The following STPG2 variants were observed in gnomAD, a reference collection of about 807,000 sequenced individuals.
STPG2 encodes the protein sperm-tail PG-rich repeat-containing protein 2.
Under a neutral mutation model 54.2 loss-of-function variants are expected in STPG2, and 56 were observed. The ratio of observed to expected loss-of-function variants is 1.03; its 90% CI spans 0.83 to 1.29. The LOEUF is 1.29. Ranked by LOEUF, STPG2 falls within the 50% of genes most tolerant of loss-of-function variation. The pLI is 0.00. For synonymous variants in STPG2, 200 were observed against 181.8 expected (o/e 1.10, Z -0.81); for missense variants, 596 against 544.9 (o/e 1.09, Z -0.93).
chr4:97,677,883 C>A (rs1390657013), intron 10 of STPG2, among the ~76,000 whole-genome samples: 1 of 152,120 alleles, frequency 6.6e-6, no homozygotes, highest in Non-Finnish European at 1.5e-5. Context: ...TTATATGCAA[C>A]TGAGCCTACT....
chr4:98,018,588 A>G (rs900997995), intron 5 of STPG2, among the ~76,000 whole-genome samples: 17 of 152,142 alleles, frequency 1.1e-4, no homozygotes, highest in Admixed American at 2.6e-4. Flanking sequence ...CTGAGGAATC[A>G]CCACACTGAC....
At chr4:97,977,132 A>G (rs536462813) in intron 6 of STPG2, among the ~76,000 whole-genome samples, 1 of 152,196 alleles carries the variant, frequency 6.6e-6, no homozygotes, top group African/African-American at 2.4e-5. Flanking sequence ...GTGCCAGAGA[A>G]GACCCCTTGC....
chr4:97,619,826 T>G (rs1311713768), intron 10 of STPG2, among the ~76,000 whole-genome samples: 1 of 108,378 alleles, frequency 9.2e-6, no homozygotes, highest in East Asian at 2.1e-4. Flanking sequence ...CTTTTTCTAT[T>G]TTTTTTTTTT....
intron 4 of STPG2, among the ~76,000 whole-genome samples, chr4:97,487,462 TTGA>T (rs1730397186): frequency 6.6e-6 from 1 of 151,606 alleles, no homozygotes; most frequent in Non-Finnish European, 1.5e-5. Flanking sequence ...ACAAAATTCT[TTGA>T]TGATATTTAT....
chr4:97,646,811 C>T (rs59606962), intron 10 of STPG2, among the ~76,000 whole-genome samples: 20,728 of 151,960 alleles, frequency 0.14, 4,106 homozygotes, highest in African/African-American at 0.44. Flanking sequence ...TTTTGTTTGA[C>T]GTGGCCATCA....
intron 9 of STPG2, among the ~76,000 whole-genome samples, chr4:97,725,094 AC>A (rs1724577075): frequency 6.6e-6 from 1 of 152,158 alleles, no homozygotes; most frequent in Non-Finnish European, 1.5e-5. Context: ...ACTTGCTATT[AC>A]GAGAAAAGAG....
chr4:97,757,412 C>T (rs1456208), intron 9 of STPG2, among the ~76,000 whole-genome samples: 59,468 of 151,956 alleles, frequency 0.39, 11,792 homozygotes, highest in Middle Eastern at 0.46. Flanking sequence ...ATTAGGTGAA[C>T]GCTCTGTTCC....
chr4:97,947,163 T>A (rs1416699422), intron 7 of STPG2, among the ~76,000 whole-genome samples: 1 of 152,032 alleles, frequency 6.6e-6, no homozygotes, highest in Non-Finnish European at 1.5e-5. Flanking sequence ...GGAGATTGAG[T>A]TTATTTCATT....
chr4:97,561,984 A>C (rs1335506702), intron 10 of STPG2, among the ~76,000 whole-genome samples: 1 of 152,140 alleles, frequency 6.6e-6, no homozygotes, highest in Admixed American at 6.5e-5. Context: ...GAAGAAAGTC[A>C]TTGGTAGCTT....
At chr4:97,906,114 G>A (rs955937194) in intron 8 of STPG2, among the ~76,000 whole-genome samples, 31 of 151,882 alleles carry the variant, frequency 2.0e-4, no homozygotes, top group South Asian at 1.7e-3. Flanking sequence ...CTGATAGACC[G>A]CTAGCAAGAC....
intron 8 of STPG2, among the ~76,000 whole-genome samples, chr4:97,913,798 C>A (rs928243838): frequency 9.2e-5 from 14 of 152,142 alleles, no homozygotes; most frequent in African/African-American, 2.9e-4. Flanking sequence ...TCTACATAAT[C>A]TGATGCTAAA....
In STPG2 at chr4:97,780,989, A is replaced by G. The variant is rs561860804; in HGVS notation, c.1204+59784T>C. Among the ~76,000 whole-genome samples the G allele has an allele frequency of 5.6e-4, 85 of 152,322 alleles. No homozygotes were observed. The South Asian group carries it at 0.017, about 30-fold the overall frequency. On this transcript the variant is annotated intron_variant, in intron 9 of 10. Transcript: ENST00000295268. ...CCACAAGAGAAAGCGGCAAAGATCTAAAATTGACACCCTAACATCAAAATT... is the reference window on the plus strand; with the variant it reads ...CCACAAGAGAAAGCGGCAAAGATCTGAAATTGACACCCTAACATCAAAATT...
chr4:97,617,129 A>AGTGTGTGT (rs34498683), intron 10 of STPG2, among the ~76,000 whole-genome samples: 3 of 149,694 alleles, frequency 2.0e-5, no homozygotes, highest in Non-Finnish European at 3.0e-5. Context: ...TATAATTTAA[A>AGTGTGTGT]GTGTGTGTGT....
At chr4:97,734,035 G>A (rs781134978) in intron 9 of STPG2, among the ~76,000 whole-genome samples, 2 of 151,958 alleles carry the variant, frequency 1.3e-5, no homozygotes, top group Non-Finnish European at 2.9e-5. Flanking sequence ...AAAATTTCCA[G>A]CACTATACTG....
In STPG2 at chr4:97,728,742, C is replaced by A. The variant is rs541341334; in HGVS notation, c.1205-15928G>T. Among the ~76,000 whole-genome samples the A allele has an allele frequency of 1.8e-4, 28 of 151,978 alleles. 1 individual carries two copies. The highest frequency in any genetic ancestry group is 1.1e-3 in the Admixed American group (16 of 15,236). ...AGTCATACAACCTACCTAACCTGAT[C>A]AAACCACTCAGAAGATCCTATAGAA... On this transcript the variant is annotated intron_variant, in intron 9 of 10. Coordinates refer to ENST00000295268, the MANE Select transcript of STPG2 (RefSeq NM_174952.3).
At chr4:97,475,591 G>C (rs1010855611) in intron 4 of STPG2, among the ~76,000 whole-genome samples, 21 of 151,860 alleles carry the variant, frequency 1.4e-4, no homozygotes, top group African/African-American at 5.1e-4. Flanking sequence ...ATGTATGGTT[G>C]GTATGTGTGT....
rs553474005 is a variant in STPG2, at chr4:97,563,534, T to G, written c.1321-4417A>C. ...TAGTTCTTTTAATTGTGATGTTAGGTTGTCAATTTTGGATCTTTCCTGCTT... is the reference window on the plus strand; with the variant it reads ...TAGTTCTTTTAATTGTGATGTTAGGGTGTCAATTTTGGATCTTTCCTGCTT... On this transcript the variant is annotated intron_variant, in intron 10 of 10. Coordinates refer to ENST00000295268, the MANE Select transcript of STPG2 (RefSeq NM_174952.3). Among the ~76,000 whole-genome samples the G allele has an allele frequency of 4.3e-3, 649 of 152,184 alleles. 3 individuals are homozygous for G. Among genetic ancestry groups the G allele is most frequent in the South Asian group, 0.021 (101 of 4,822 alleles).
intron 6 of STPG2, among the ~76,000 whole-genome samples, chr4:97,974,432 T>A (rs1486727429): frequency 6.6e-6 from 1 of 152,150 alleles, no homozygotes; most frequent in Non-Finnish European, 1.5e-5. Context: ...GAAGGCATGA[T>A]TTGTTTAGAA....
At chr4:97,668,804 A>G (rs1392977672) in intron 10 of STPG2, among the ~76,000 whole-genome samples, 2 of 152,200 alleles carry the variant, frequency 1.3e-5, no homozygotes, top group Non-Finnish European at 2.9e-5. Flanking sequence ...TTACATTATC[A>G]GCGGGTCATT....
Sources: allele counts gnomAD v4.1 joint callset (sites outside exome capture counted in the v4.1 genomes callset), GRCh38; gene constraint gnomAD v4.1.1; transcripts MANE v1.5; gene names NCBI Gene and HGNC (gene_info 2026-07-23, HGNC 2026-07-21).